EDAR: variants seen among roughly 807,000 people sequenced by gnomAD.
EDAR encodes the protein ectodysplasin A receptor.
In EDAR, 38 loss-of-function variants were observed where a neutral mutation model predicts 51.3. The observed-to-expected ratio is 0.74, with a 90% CI of 0.57 to 0.97. The LOEUF is 0.97. EDAR is among the 50% of genes least tolerant of loss of function. EDAR has a pLI of 0.00. For synonymous variants in EDAR, 227 were observed against 242.1 expected (o/e 0.94, Z 0.58); for missense variants, 528 against 595.0 (o/e 0.89, Z 1.17).
rs1352460294 is a variant in EDAR at position 108,923,708 on chromosome 2, C to T, written c.357-255G>A. ...TGATCTCAGCCCCTTTCTGGTTCCT[C>T]TCTCTGGTGGCTGTGTTTAGTGTGT... On this transcript the variant is annotated intron_variant, in intron 4 of 11. Transcript: ENST00000258443. Among the ~76,000 whole-genome samples the T allele has an allele frequency of 2.0e-5, 3 of 152,244 alleles. No individual in the cohort carries two copies. The East Asian group carries it at 5.8e-4, about 29-fold the overall frequency.
At chr2:108,957,360 T>G (rs1196282686) in intron 1 of EDAR, among the ~76,000 whole-genome samples, 1 of 152,234 alleles carries the variant, frequency 6.6e-6, no homozygotes, top group Non-Finnish European at 1.5e-5. Flanking sequence ...AAGGTCTTAG[T>G]CACTGGTTTA....
rs113574008 is a variant in EDAR at position 108,969,213 on chromosome 2, C to CT, written c.-19+19746dup. 7.7e-3 allele frequency among the ~76,000 whole-genome samples: 1,138 copies of CT among 148,090 alleles called. 16 individuals carry two copies. The highest frequency in any genetic ancestry group is 0.025 in the African/African-American group (1,023 of 40,582). ...GCTGAACCCTGGCTTTGACAACCTT[C>CT]TTTTTTTTTTTCCTGCTCTTCTCTC... On this transcript the variant is annotated intron_variant, in intron 1 of 11. Transcript: ENST00000258443.
rs144878993 is a variant in EDAR at position 108,906,798 on chromosome 2, C to T, written c.964-430G>A. ...CTCAGTGGCCCTGGCTGAAGAGTCC[C>T]GGGGCCATGGCCACCTATCTCCCTT... On this transcript the variant is annotated intron_variant, in intron 10 of 11. Transcript: ENST00000258443. Among the ~76,000 whole-genome samples the T allele has an allele frequency of 8.0e-3, 1,212 of 152,340 alleles. 24 individuals are homozygous for T. The highest frequency in any genetic ancestry group is 0.026 in the African/African-American group (1,092 of 41,580).
intron 1 of EDAR, among the ~76,000 whole-genome samples, chr2:108,960,322 AG>A (rs1698014486): frequency 6.6e-6 from 1 of 152,224 alleles, no homozygotes; most frequent in South Asian, 2.1e-4. Context: ...GAACAAAAAA[AG>A]TGCTCACTGC....
At chr2:108,930,936 G>T (rs956280993) in intron 2 of EDAR, 28 bp downstream of exon 2, 14 of 1,612,870 alleles carry the variant, frequency 8.7e-6, no homozygotes, top group Non-Finnish European at 1.1e-5. Context: ...TGAGGGTGCT[G>T]TGGGGGTAAG....
intron 1 of EDAR, among the ~76,000 whole-genome samples, chr2:108,980,440 TACTC>T (rs1698399737): frequency 6.6e-6 from 1 of 152,150 alleles, no homozygotes; most frequent in Admixed American, 6.5e-5. Context: ...TAATACTTAT[TACTC>T]ACCAAGTTCT....
At chr2:108,963,645 A>G (rs1698095129) in intron 1 of EDAR, among the ~76,000 whole-genome samples, 1 of 152,228 alleles carries the variant, frequency 6.6e-6, no homozygotes, top group Admixed American at 6.5e-5. Flanking sequence ...ATAAAACTCC[A>G]TGATCTGCAA....
At chr2:108,954,181 T>C (rs1230372701) in intron 1 of EDAR, among the ~76,000 whole-genome samples, 2 of 152,188 alleles carry the variant, frequency 1.3e-5, no homozygotes, top group African/African-American at 4.8e-5. Flanking sequence ...CTAGATAGCA[T>C]AGATGGCATT....
chr2:108,911,204 C>T (rs1404188389), intron 6 of EDAR, 132 bp from the exon 7 acceptor site: 1 of 1,119,208 alleles, frequency 8.9e-7, no homozygotes. Context: ...ATCTGAGGTG[C>T]TTGCTTAGAC....
intron 6 of EDAR, among the ~76,000 whole-genome samples, 195 bp from the exon 7 acceptor site, chr2:108,911,267 A>G (rs562184578): frequency 6.6e-5 from 10 of 152,086 alleles, no homozygotes; most frequent in Non-Finnish European, 1.5e-4. Flanking sequence ...GACTGCCCAC[A>G]GCCCTGCTCG....
Position 108,930,221 on chromosome 2 carries a change from G to C in EDAR, c.73C>G (p.Arg25Gly). 1.9e-6 allele frequency: 3 copies of C among 1,614,066 alleles called. No individual in the cohort carries two copies. The highest frequency in any genetic ancestry group is 2.5e-6 in the Non-Finnish European group (3 of 1,180,026). The change falls in exon 3 of 12, where the codon CGA becomes GGA. Residue 25 changes from arginine to glycine, a missense_variant. Arg to Gly is a moderately radical substitution (Grantham distance 125). Transcript: ENST00000258443. ...TCACCGCAGTTTGAGTATTCCGCTCGGGCTGAGCACATCAGAGACACCTGC... is the reference window on the plus strand; with the variant it reads ...TCACCGCAGTTTGAGTATTCCGCTCCGGCTGAGCACATCAGAGACACCTGC... ...VLVVSLMCSA[R>G]AEYSNCGENE... is the part of the protein sequence containing the mutation.
chr2:108,967,342 T>C (rs1169835433), intron 1 of EDAR, among the ~76,000 whole-genome samples: 1 of 152,196 alleles, frequency 6.6e-6, no homozygotes, highest in Admixed American at 6.5e-5. Context: ...AGAATTTTTT[T>C]TACTTCAATA....
chr2:108,929,071 G>C, intron 4 of EDAR, 127 bp downstream of exon 4: 1 of 1,121,650 alleles, frequency 8.9e-7, no homozygotes, highest in South Asian at 1.3e-5. Context: ...ATGGGACCAA[G>C]GCCAGGTGTG....
intron 1 of EDAR, among the ~76,000 whole-genome samples, chr2:108,942,183 A>G (rs901268083): frequency 3.9e-5 from 6 of 152,204 alleles, no homozygotes; most frequent in Non-Finnish European, 7.3e-5. Context: ...AAACCTCCCC[A>G]GCATTGCAAG....
intron 11 of EDAR, 42 bp downstream of exon 11, chr2:108,906,266 T>C (rs758193484): frequency 1.8e-5 from 29 of 1,604,760 alleles, no homozygotes; most frequent in Non-Finnish European, 2.3e-5. Context: ...TTCATGTCGG[T>C]GGGGTGGGCA....
intron 1 of EDAR, among the ~76,000 whole-genome samples, chr2:108,976,577 T>C (rs1163529259): frequency 6.6e-6 from 1 of 152,224 alleles, no homozygotes; most frequent in African/African-American, 2.4e-5. Context: ...CTACATGAAT[T>C]ACCTGGAGTT....
chr2:108,984,077 A>G (rs1369544809), intron 1 of EDAR, among the ~76,000 whole-genome samples: 2 of 152,130 alleles, frequency 1.3e-5, no homozygotes, highest in Non-Finnish European at 2.9e-5. Flanking sequence ...TGGAAGTGTA[A>G]TCATGTGTTT....
intron 1 of EDAR, among the ~76,000 whole-genome samples, chr2:108,988,449 C>T (rs1057491364): frequency 1.3e-5 from 2 of 152,102 alleles, no homozygotes; most frequent in Non-Finnish European, 2.9e-5. Context: ...TCCCTCTCCC[C>T]GCTCCCCCGC....
intron 5 of EDAR, among the ~76,000 whole-genome samples, chr2:108,921,214 G>A (rs183755407): frequency 6.6e-6 from 1 of 152,226 alleles, no homozygotes; most frequent in East Asian, 1.9e-4. Context: ...TGGGAGGTGT[G>A]GGGCAGAGCT....
Sources: allele counts gnomAD v4.1 joint callset (sites outside exome capture counted in the v4.1 genomes callset), GRCh38; gene constraint gnomAD v4.1.1; transcripts MANE v1.5; gene names NCBI Gene and HGNC (gene_info 2026-07-23, HGNC 2026-07-21).